TTC33: variants seen among roughly 807,000 people sequenced by gnomAD.
TTC33 encodes the protein tetratricopeptide repeat domain 33, also known as tetratricopeptide repeat protein 33.
In TTC33, 24 loss-of-function variants were observed where a neutral mutation model predicts 29.4. The observed-to-expected ratio is 0.82, with a 90% CI of 0.59 to 1.15. The LOEUF (loss-of-function observed/expected upper bound fraction) is 1.15. Ranked by LOEUF, TTC33 falls within the 50% of genes most tolerant of loss-of-function variation. TTC33 has a pLI of 0.00. For missense variants in TTC33, 286 were observed against 310.4 expected (o/e 0.92, Z 0.59); for synonymous variants, 107 against 100.3 (o/e 1.07, Z -0.40).
chr5:40,747,540 A>G (rs986985342), intron 1 of TTC33, among the ~76,000 whole-genome samples: 1 of 152,232 alleles, frequency 6.6e-6, no homozygotes, highest in African/African-American at 2.4e-5. Context: ...CATGTCACTC[A>G]TGAAGTAAGT....
At chr5:40,730,807 A>T (rs934906100) in intron 2 of TTC33, among the ~76,000 whole-genome samples, 8 of 152,188 alleles carry the variant, frequency 5.3e-5, no homozygotes, top group African/African-American at 1.9e-4. Context: ...GCTCAGAAAA[A>T]CTTAGAAATG....
chr5:40,732,208 G>A (rs1317143250), intron 2 of TTC33, among the ~76,000 whole-genome samples: 3 of 151,866 alleles, frequency 2.0e-5, no homozygotes, highest in African/African-American at 7.3e-5. Flanking sequence ...GTAGAGACAG[G>A]GTCTCACTAT....
chr5:40,738,816 T>C (rs938758536), intron 2 of TTC33, among the ~76,000 whole-genome samples: 3 of 152,172 alleles, frequency 2.0e-5, no homozygotes, highest in African/African-American at 7.2e-5. Context: ...GAGCAGCTTT[T>C]TTTATGCTTC....
At position 40,754,763 on chromosome 5, in the gene TTC33, G is replaced by C. The variant is rs185860642; in HGVS notation, c.-2+1061C>G. On this transcript the variant is annotated intron_variant, in intron 1 of 4. Transcript: ENST00000337702. ...CTTTCTGGAGGACTTAAGCTTTGAA[G>C]AAAACTTAGCCAGGCTTAAAAAGGT... 3.3e-5 allele frequency among the ~76,000 whole-genome samples: 5 copies of C among 152,342 alleles called. No homozygotes were observed. The East Asian group carries it at 9.6e-4, about 29-fold the overall frequency.
At chr5:40,717,750 C>G (rs559535237) in intron 4 of TTC33, among the ~76,000 whole-genome samples, 1 of 152,158 alleles carries the variant, frequency 6.6e-6, no homozygotes, top group African/African-American at 2.4e-5. Flanking sequence ...GATTCTCATG[C>G]AAACAGATTA....
chr5:40,743,783 T>C (rs1249477363), intron 2 of TTC33, among the ~76,000 whole-genome samples: 4 of 152,118 alleles, frequency 2.6e-5, no homozygotes, highest in African/African-American at 7.2e-5. Context: ...CAAAAAAATA[T>C]ATATCTTTGT....
Position 40,724,918 on chromosome 5 carries a change from T to C in TTC33, c.435+3427A>G, listed in dbSNP as rs575980579. Among the ~76,000 whole-genome samples, 20 of 151,094 alleles carry C rather than the reference T, an allele frequency of 1.3e-4. No homozygotes were observed. The East Asian group carries it at 2.8e-3, about 21-fold the overall frequency. ...CTCATGCTGGAGTGCAGTGGTGCGA[T>C]CTCAGCTCACTGCAACCTCCACCTG... On this transcript the variant is annotated intron_variant, in intron 4 of 4. Transcript: ENST00000337702.
intron 2 of TTC33, among the ~76,000 whole-genome samples, chr5:40,740,379 T>C (rs950833768): frequency 6.6e-6 from 1 of 151,948 alleles, no homozygotes; most frequent in Non-Finnish European, 1.5e-5. Flanking sequence ...AATAAAGTTA[T>C]TTTGCCTTCA....
chr5:40,722,046 G>A (rs1742145668), intron 4 of TTC33, among the ~76,000 whole-genome samples: 1 of 152,162 alleles, frequency 6.6e-6, no homozygotes, highest in South Asian at 2.1e-4. Flanking sequence ...ACTAATCAGG[G>A]AAATGCAAAT....
intron 2 of TTC33, among the ~76,000 whole-genome samples, chr5:40,735,036 G>C (rs1193368160): frequency 6.6e-6 from 1 of 152,150 alleles, no homozygotes; most frequent in Non-Finnish European, 1.5e-5. Flanking sequence ...GTCCATTCCA[G>C]GCAAAGGGAA....
chr5:40,731,316 A>AGTCC (rs1236614289), intron 2 of TTC33, among the ~76,000 whole-genome samples: 1 of 152,160 alleles, frequency 6.6e-6, no homozygotes, highest in Non-Finnish European at 1.5e-5. Context: ...GGGTTTTTAT[A>AGTCC]GTCCCTACCC....
chr5:40,753,348 G>A (rs764696241), intron 1 of TTC33, among the ~76,000 whole-genome samples: 1 of 149,222 alleles, frequency 6.7e-6, no homozygotes, highest in African/African-American at 2.5e-5. Flanking sequence ...TGAGCGACAC[G>A]AGCAAAACTC....
At chr5:40,719,546 C>A (rs570704522) in intron 4 of TTC33, among the ~76,000 whole-genome samples, 1 of 152,278 alleles carries the variant, frequency 6.6e-6, no homozygotes, top group Non-Finnish European at 1.5e-5. Flanking sequence ...CATATGTCTT[C>A]ATTTCTCTTG....
chr5:40,732,300 A>C (rs1742448989), intron 2 of TTC33, among the ~76,000 whole-genome samples: 1 of 152,116 alleles, frequency 6.6e-6, no homozygotes, highest in African/African-American at 2.4e-5. Context: ...TACAGGGGTG[A>C]GCCACCATGC....
intron 3 of TTC33, 24 bp from the exon 4 acceptor site, chr5:40,728,500 A>T: frequency 1.3e-6 from 2 of 1,571,994 alleles, no homozygotes; most frequent in East Asian, 2.3e-5. Flanking sequence ...AAGACCAAAA[A>T]ATCTGTCAGT....
intron 2 of TTC33, among the ~76,000 whole-genome samples, chr5:40,731,582 C>T (rs1742428324): frequency 6.6e-6 from 1 of 152,138 alleles, no homozygotes. Flanking sequence ...ACAGGGAAGC[C>T]CCTTATAAAT....
intron 4 of TTC33, among the ~76,000 whole-genome samples, chr5:40,722,663 C>T (rs77567692): frequency 0.079 from 11,907 of 151,292 alleles, 667 homozygotes; most frequent in East Asian, 0.3. Context: ...GGCGTGTCTC[C>T]GCCCCACAGC....
intron 4 of TTC33, among the ~76,000 whole-genome samples, chr5:40,722,680 G>A (rs1157805949): frequency 6.6e-6 from 1 of 151,572 alleles, no homozygotes; most frequent in Non-Finnish European, 1.5e-5. Context: ...CAGCCGCCCA[G>A]TCTGGGAAGT....
At chr5:40,723,870 A>T (rs755114864) in intron 4 of TTC33, among the ~76,000 whole-genome samples, 1 of 152,186 alleles carries the variant, frequency 6.6e-6, no homozygotes, top group Non-Finnish European at 1.5e-5. Flanking sequence ...CTCTCAAAAA[A>T]AAACAAACAA....
Sources: allele counts gnomAD v4.1 joint callset (sites outside exome capture counted in the v4.1 genomes callset), GRCh38; gene constraint gnomAD v4.1.1; transcripts MANE v1.5; gene names NCBI Gene and HGNC (gene_info 2026-07-23, HGNC 2026-07-21).